The following VPS18 variants were observed in gnomAD, a reference collection of about 807,000 sequenced individuals.
The protein encoded by VPS18 is vacuolar protein sorting-associated protein 18 homolog.
In VPS18, 25 loss-of-function variants were observed where a neutral mutation model predicts 82.0. The observed-to-expected ratio is 0.30, with a 90% CI of 0.22 to 0.43. The LOEUF (loss-of-function observed/expected upper bound fraction) is 0.43, where lower values mean the gene tolerates loss of function less well. VPS18 is among the 20% of genes least tolerant of loss of function. The pLI is 1.00. For missense variants in VPS18, 1,168 were observed against 1,311.1 expected, an observed-to-expected ratio of 0.89 and a Z score of 1.69; for synonymous variants, 523 against 543.0, an observed-to-expected ratio of 0.96 and a Z score of 0.51.
chr15:40,900,188 C>T lies in VPS18; in HGVS notation c.1370C>T (p.Ala457Val), dbSNP rs1296623849. 2 of 1,613,836 alleles carry T rather than the reference C, an allele frequency of 1.2e-6. No homozygotes were observed. Among genetic ancestry groups the T allele is most frequent in the Admixed American group, 1.7e-5 (1 of 60,032 alleles). The change falls in exon 4 of 5, where the codon GCC (alanine) becomes GTC (valine). Residue 457 changes from alanine to valine, a missense_variant. Physicochemically the swap from Ala to Val is moderately conservative, Grantham distance 64. This residue lies in a region of VPS18 where 868 missense variants were observed against 939.8 expected (regional missense o/e 0.92). Coordinates refer to ENST00000220509, the MANE Select transcript of VPS18 (RefSeq NM_020857.3). This position sits in a 1 kb window ranked among gnomAD's most constrained non-coding sequence, Gnocchi z 5.4. Reference sequence around the variant, plus strand: ...ACCCAGAGCTACTTTGAGGAGATTGCCCTCAAGTTCCTGGAGGCCCGACAG... The same window carrying T: ...ACCCAGAGCTACTTTGAGGAGATTGTCCTCAAGTTCCTGGAGGCCCGACAG... ...ALTQSYFEEI[A>V]LKFLEARQEE...
intron 2 of VPS18, among the ~76,000 whole-genome samples, chr15:40,897,306 AAAAG>A (rs1437940505): frequency 6.6e-6 from 1 of 152,212 alleles, no homozygotes; most frequent in Non-Finnish European, 1.5e-5. Flanking sequence ...GAAAAAAAAA[AAAAG>A]AGTTATCCTG....
At chr15:40,895,103 C>T (rs1331304959) in intron 1 of VPS18, among the ~76,000 whole-genome samples, 1 of 152,158 alleles carries the variant, frequency 6.6e-6, no homozygotes, top group South Asian at 2.1e-4. Context: ...GGAATTGGGG[C>T]CCAGATAAGG....
chr15:40,901,048 GGGA>G (rs1566870820), intron 4 of VPS18, 34 bp downstream of exon 4: 1 of 1,575,634 alleles, frequency 6.3e-7, no homozygotes, highest in Admixed American at 1.7e-5. Flanking sequence ...AGCTGGGAGA[GGGA>G]CCCAAAGAGC....
chr15:40,896,673 T>C (rs1892235622), intron 2 of VPS18, among the ~76,000 whole-genome samples: 1 of 151,322 alleles, frequency 6.6e-6, no homozygotes, highest in Admixed American at 6.6e-5. Flanking sequence ...TAGCCGGGCG[T>C]GGTGGCAGGC....
At position 40,902,385 on chromosome 15, in the gene VPS18, T is replaced by C. The variant is rs1243594282; in HGVS notation, c.2197-231T>C. ...GCCTTGGCCTCCCAAAATGCTGGGA[T>C]TATAGGCCTGAGCCACTGCGCCCAG... On this transcript the variant is annotated intron_variant, in intron 4 of 4. Coordinates refer to ENST00000220509, the MANE Select transcript of VPS18 (RefSeq NM_020857.3). The surrounding 1 kb of genome is among the most constrained non-coding windows in gnomAD (Gnocchi z 4.2). Among the ~76,000 whole-genome samples the C allele has an allele frequency of 6.6e-6, 1 of 152,178 alleles. No homozygotes were observed. The highest frequency in any genetic ancestry group is 1.5e-5 in the Non-Finnish European group (1 of 68,022).
rs1009509292 is a variant in VPS18, at chr15:40,899,719, C to T, written c.901C>T (p.Arg301Cys). 5 of 1,613,924 alleles carry T rather than the reference C, an allele frequency of 3.1e-6. No individual in the cohort carries two copies. Among genetic ancestry groups the T allele is most frequent in the Non-Finnish European group, 3.4e-6 (4 of 1,180,036 alleles). Reference sequence around the variant, plus strand: ...GTTGTATGGGGCATTGGACTGTGGGCGCCCTGACTCTCTGCTGAGCGAGGA... The same window carrying T: ...GTTGTATGGGGCATTGGACTGTGGGTGCCCTGACTCTCTGCTGAGCGAGGA... ...GVLYGALDCG[R>C]PDSLLSEERV... Residue 301 changes from arginine to cysteine, a missense_variant, in exon 4 of 5, where the codon CGC (arginine) becomes TGC (cysteine). By Grantham distance (180) the Arg-to-Cys change is radical. Around this residue, in one of 3 missense-constraint regions of VPS18, gnomAD observed 868 missense variants for 939.8 expected, o/e 0.92. Coordinates refer to ENST00000220509, the MANE Select transcript of VPS18 (RefSeq NM_020857.3). This position sits in a 1 kb window ranked among gnomAD's most constrained non-coding sequence, Gnocchi z 4.4.
intron 4 of VPS18, 108 bp downstream of exon 4, chr15:40,901,122 C>A: frequency 1.7e-6 from 2 of 1,159,814 alleles, no homozygotes; most frequent in Non-Finnish European, 2.4e-6. Flanking sequence ...GCTTCCCTTG[C>A]AGAGAGGGAA....
In VPS18 at chr15:40,902,238, G is replaced by A. The variant is rs1411410249; in HGVS notation, c.2197-378G>A. Among the ~76,000 whole-genome samples, 2 of 151,506 alleles carry A rather than the reference G, an allele frequency of 1.3e-5. No individual in the cohort carries two copies. Among genetic ancestry groups the A allele is most frequent in the Admixed American group, 6.6e-5 (1 of 15,194 alleles). On this transcript the variant is annotated intron_variant, in intron 4 of 4. Coordinates refer to ENST00000220509, the MANE Select transcript of VPS18 (RefSeq NM_020857.3). This position sits in a 1 kb window ranked among gnomAD's most constrained non-coding sequence, Gnocchi z 4.2. ...CGCCATTCTCCTGGCTCAGCCTCCCGGGTAGCTGGGACTACAGGCGCCCGC... is the reference window on the plus strand; with the variant it reads ...CGCCATTCTCCTGGCTCAGCCTCCCAGGTAGCTGGGACTACAGGCGCCCGC...
In VPS18 at chr15:40,902,574, G is replaced by A. The variant is rs1892377298; in HGVS notation, c.2197-42G>A. On this transcript the variant is annotated intron_variant, in intron 4 of 4. Coordinates refer to ENST00000220509, the MANE Select transcript of VPS18 (RefSeq NM_020857.3). The surrounding 1 kb of genome is among the most constrained non-coding windows in gnomAD (Gnocchi z 4.2). ...CTCTCTCCCATAGTCTCCATGTTGG[G>A]CAGGGAGGGGCTTGGCCCTAAAGCC... 69 of 1,570,218 alleles carry A rather than the reference G, an allele frequency of 4.4e-5. No individual in the cohort carries two copies. Among genetic ancestry groups the A allele is most frequent in the Non-Finnish European group, 6.0e-5 (69 of 1,154,744 alleles).
Position 40,900,108 on chromosome 15 carries a change from C to G in VPS18, c.1290C>G (p.Ala430=). ...DCLDTVLARE[A]DFCFRQRRYL... is the part of the protein sequence containing the mutation. ...TGGACACGGTCCTGGCCCGGGAGGC[C>G]GATTTCTGCTTTCGCCAGCGTCGCT... The change falls in exon 4 of 5, where the codon GCC becomes GCG. Residue 430 remains alanine (A), a synonymous_variant. Transcript: ENST00000220509. This position sits in a 1 kb window ranked among gnomAD's most constrained non-coding sequence, Gnocchi z 5.4. The G allele has an allele frequency of 6.2e-7, 1 of 1,613,806 alleles. No individual in the cohort carries two copies. The highest frequency in any genetic ancestry group is 8.5e-7 in the Non-Finnish European group (1 of 1,180,024).
intron 2 of VPS18, 76 bp from the exon 3 acceptor site, chr15:40,898,831 C>T: frequency 7.1e-7 from 1 of 1,415,766 alleles, no homozygotes; most frequent in Non-Finnish European, 9.8e-7. Flanking sequence ...TGGCTTTTAT[C>T]AGATTATTAA....
At position 40,903,564 on chromosome 15, in the gene VPS18, C is replaced by A; in HGVS notation, c.*223C>A. The A allele has an allele frequency of 1.8e-6, 1 of 563,220 alleles. No homozygotes were observed. Among genetic ancestry groups the A allele is most frequent in the Non-Finnish European group, 2.8e-6 (1 of 359,208 alleles). 34.9% of individuals were successfully genotyped at this position (563,220 alleles called of 1,614,324 possible). A position where few individuals can be genotyped will look rare whatever the true frequency, so the allele number is the denominator to read the frequency against. ...AGCTGCAGTTATGCCAGACCATCAG[C>A]CTGCCTCCCAGTAGAGGCCCTTCAC... On this transcript the variant is annotated 3_prime_UTR_variant, in exon 5 of 5. Coordinates refer to ENST00000220509, the MANE Select transcript of VPS18 (RefSeq NM_020857.3).
chr15:40,900,524 T>A lies in VPS18; in HGVS notation c.1706T>A (p.Val569Glu). 1 of 1,614,002 alleles carries A rather than the reference T, an allele frequency of 6.2e-7. No individual in the cohort carries two copies. Among genetic ancestry groups the A allele is most frequent in the Non-Finnish European group, 8.5e-7 (1 of 1,179,998 alleles). ...GTGATCATGCAGGACTATGAGCGGG[T>A]GGTGGCTTACCACTGTCAGCACGAG... ...FAVIMQDYER[V>E]VAYHCQHEAY... The change falls in exon 4 of 5, where the codon GTG becomes GAG. Residue 569 changes from valine (V) to glutamate (E), a missense_variant. By Grantham distance (121) the Val-to-Glu change is moderately radical. Coordinates refer to ENST00000220509, the MANE Select transcript of VPS18 (RefSeq NM_020857.3). The surrounding 1 kb of genome is among the most constrained non-coding windows in gnomAD (Gnocchi z 5.4).
At position 40,899,617 on chromosome 15, in the gene VPS18, T is replaced by G. The variant is rs147916055; in HGVS notation, c.799T>G (p.Tyr267Asp). 1 of 1,611,138 alleles carries G rather than the reference T, an allele frequency of 6.2e-7. No homozygotes were observed. Among genetic ancestry groups the G allele is most frequent in the Non-Finnish European group, 8.5e-7 (1 of 1,180,018 alleles). ...CCGTGAGTTTCCCAGCAACCTGGGC[T>G]ACAGTGAGTTGGCCTTCTACACCCC... The part of the protein sequence containing the change: ...PFREFPSNLG[Y>D]SELAFYTPKL... Residue 267 changes from tyrosine (Y) to aspartate (D), a missense_variant, in exon 4 of 5, where the codon TAC becomes GAC. Tyr to Asp is a radical substitution (Grantham distance 160). This residue lies in a region of VPS18 where 868 missense variants were observed against 939.8 expected (regional missense o/e 0.92). Transcript: ENST00000220509. The surrounding 1 kb of genome is among the most constrained non-coding windows in gnomAD (Gnocchi z 4.4).
rs913629683 is a variant in VPS18, at chr15:40,899,054, G to T, written c.325+56G>T. The T allele has an allele frequency of 2.4e-5, 38 of 1,604,750 alleles. No individual in the cohort carries two copies. Among genetic ancestry groups the T allele is most frequent in the Non-Finnish European group, 2.9e-5 (34 of 1,176,186 alleles). The stretch of plus-strand genomic sequence containing the variant: ...TCTCTGGTCAGTCACTGCCTGGGTG[G>T]GTGGGCTCTGAGGGTGGTGTGGGGG... On this transcript the variant is annotated intron_variant, in intron 3 of 4. Coordinates refer to ENST00000220509, the MANE Select transcript of VPS18 (RefSeq NM_020857.3). This position sits in a 1 kb window ranked among gnomAD's most constrained non-coding sequence, Gnocchi z 4.4.
rs773382933 is a variant in VPS18, at chr15:40,900,725, G to A, written c.1907G>A (p.Gly636Asp). 1.4e-5 allele frequency: 22 copies of A among 1,614,076 alleles called. No homozygotes were observed. Among genetic ancestry groups the A allele is most frequent in the South Asian group, 6.6e-5 (6 of 91,092 alleles). ...LIPALVNYSQ[G>D]GEVQQVSQAI... ...CCTGCCCTGGTGAACTACAGCCAGG[G>A]TGGTGAGGTCCAGCAGGTGAGCCAG... The change falls in exon 4 of 5, where the codon GGT (glycine) becomes GAT (aspartate). Residue 636 changes from glycine to aspartate, a missense_variant. Gly to Asp is a moderately conservative substitution (Grantham distance 94). Coordinates refer to ENST00000220509, the MANE Select transcript of VPS18 (RefSeq NM_020857.3). This position sits in a 1 kb window ranked among gnomAD's most constrained non-coding sequence, Gnocchi z 5.4.
In VPS18 at chr15:40,902,568, T is replaced by C; in HGVS notation, c.2197-48T>C. On this transcript the variant is annotated intron_variant, in intron 4 of 4. Coordinates refer to ENST00000220509, the MANE Select transcript of VPS18 (RefSeq NM_020857.3). The surrounding 1 kb of genome is among the most constrained non-coding windows in gnomAD (Gnocchi z 4.2). ...CCATCTCTCTCTCCCATAGTCTCCATGTTGGGCAGGGAGGGGCTTGGCCCT... is the reference window on the plus strand; with the variant it reads ...CCATCTCTCTCTCCCATAGTCTCCACGTTGGGCAGGGAGGGGCTTGGCCCT... 6.4e-7 allele frequency: 1 copy of C among 1,566,242 alleles called. No homozygotes were observed. Among genetic ancestry groups the C allele is most frequent in the South Asian group, 1.2e-5 (1 of 83,614 alleles).
chr15:40,895,821 C>T, intron 1 of VPS18, 117 bp from the exon 2 acceptor site: 22 of 1,410,954 alleles, frequency 1.6e-5, no homozygotes, highest in Non-Finnish European at 2.2e-5. Flanking sequence ...AACCAAGGTC[C>T]TGGGGATAGG....
chr15:40,902,584 G>C lies in VPS18; in HGVS notation c.2197-32G>C, dbSNP rs1166875948. The C allele has an allele frequency of 5.7e-6, 9 of 1,581,310 alleles. No homozygotes were observed. Among genetic ancestry groups the C allele is most frequent in the Admixed American group, 1.7e-5 (1 of 58,352 alleles). On this transcript the variant is annotated intron_variant, in intron 4 of 4. Coordinates refer to ENST00000220509, the MANE Select transcript of VPS18 (RefSeq NM_020857.3). The surrounding 1 kb of genome is among the most constrained non-coding windows in gnomAD (Gnocchi z 4.2). The stretch of plus-strand genomic sequence containing the variant: ...TAGTCTCCATGTTGGGCAGGGAGGG[G>C]CTTGGCCCTAAAGCCCATGCTCTCC...
Sources: allele counts gnomAD v4.1 joint callset (sites outside exome capture counted in the v4.1 genomes callset), GRCh38; gene constraint gnomAD v4.1.1; regional missense constraint gnomAD v4.1.1; non-coding constraint Gnocchi (gnomAD v3.1); transcripts MANE v1.5; gene names NCBI Gene and HGNC (gene_info 2026-07-23, HGNC 2026-07-21).